Variants in THAP2 observed in about 807,000 individuals in gnomAD.
THAP2 encodes THAP domain containing 2, also known as THAP domain-containing protein 2.
A neutral mutation model predicts 18.8 loss-of-function variants in THAP2; 16 were observed. That is an observed-to-expected ratio of 0.85 (90% CI 0.58 to 1.29). The LOEUF is 1.29. Ranked by LOEUF, THAP2 falls within the 50% of genes most tolerant of loss-of-function variation. THAP2 has a pLI of 0.00. For missense variants in THAP2, 251 were observed against 265.3 expected (o/e 0.95, Z 0.38); for synonymous variants, 80 against 89.2 (o/e 0.90, Z 0.58).
Position 71,677,399 on chromosome 12 carries a change from C to T in THAP2, c.*291C>T, listed in dbSNP as rs1881538954. 1 of 200,824 alleles carries T rather than the reference C, an allele frequency of 5.0e-6. No individual in the cohort carries two copies. Among genetic ancestry groups the T allele is most frequent in the African/African-American group, 2.3e-5 (1 of 42,816 alleles). The allele number at this position is 200,824 out of a possible 1,614,324, so 12.4% of individuals were successfully genotyped here. A position where few individuals can be genotyped will look rare whatever the true frequency, so the allele number is the denominator to read the frequency against. On this transcript the variant is annotated 3_prime_UTR_variant, in exon 3 of 3. Coordinates refer to ENST00000308086, the MANE Select transcript of THAP2 (RefSeq NM_031435.4). ...TTTTAAACTACTGTTAAAAGAACAGCTTATGATAAGTAATATGTTTAACTT... is the reference window on the plus strand; with the variant it reads ...TTTTAAACTACTGTTAAAAGAACAGTTTATGATAAGTAATATGTTTAACTT...
chr12:71,676,584 C>CTTTTAAAAGTCAA, intron 2 of THAP2, 105 bp from the exon 3 acceptor site: 3 of 1,183,882 alleles, frequency 2.5e-6, no homozygotes, highest in African/African-American at 1.6e-5. Context: ...TTAAAATTGA[C>CTTTTAAAAGTCAA]TTTTAAAAGA....
chr12:71,664,557 G>A lies in THAP2; in HGVS notation c.48G>A (p.Lys16=), dbSNP rs35288257. The A allele has an allele frequency of 0.012, 18,910 of 1,614,166 alleles. 146 individuals are homozygous for A. Among genetic ancestry groups the A allele is most frequent in the Non-Finnish European group, 0.015 (17,420 of 1,180,016 alleles). Residue 16 remains lysine, a synonymous_variant, in exon 1 of 3, where the codon AAG becomes AAA. Coordinates refer to ENST00000308086, the MANE Select transcript of THAP2 (RefSeq NM_031435.4). The part of the protein sequence containing the change: ...AAAGCATTYN[K]HINISFHRFP... ...CGGGCTGTGCCACTACCTACAACAA[G>A]CACATTAACATCAGCTTCCACAGGT...
At chr12:71,675,312 CAGG>C (rs1437065429) in intron 2 of THAP2, among the ~76,000 whole-genome samples, 1 of 151,978 alleles carries the variant, frequency 6.6e-6, no homozygotes, top group Non-Finnish European at 1.5e-5. Flanking sequence ...AGAAAAGCTC[CAGG>C]AGGACAAGAA....
rs554242693 is a variant in THAP2, at chr12:71,676,911, C to G, written c.490C>G (p.Arg164Gly). The change falls in exon 3 of 3, where the codon CGA (arginine) becomes GGA (glycine). Residue 164 changes from arginine to glycine, a missense_variant. By Grantham distance (125) the Arg-to-Gly change is moderately radical. Transcript: ENST00000308086. ...TCLQKERRAT[R>G]RWIKATCLVK... ...CCTACAAAAGGAACGCAGAGCAACT[C>G]GAAGATGGATCAAAGCCACGTGTTT... is the stretch of plus-strand genomic sequence containing the variant. 4.3e-6 allele frequency: 7 copies of G among 1,613,528 alleles called. No homozygotes were observed. Among genetic ancestry groups the G allele is most frequent in the African/African-American group, 1.3e-5 (1 of 74,882 alleles).
intron 1 of THAP2, among the ~76,000 whole-genome samples, chr12:71,671,920 G>A (rs955941301): frequency 1.1e-4 from 17 of 152,106 alleles, no homozygotes; most frequent in African/African-American, 3.1e-4. Context: ...TACTGGCAGC[G>A]TACTTCCTAA....
In THAP2 at chr12:71,674,372, G is replaced by T. The variant is rs978435343; in HGVS notation, c.241G>T (p.Asp81Tyr). The T allele has an allele frequency of 1.6e-5, 26 of 1,609,658 alleles. No individual in the cohort carries two copies. Among genetic ancestry groups the T allele is most frequent in the South Asian group, 4.4e-5 (4 of 90,598 alleles). Residue 81 changes from aspartate (D) to tyrosine (Y), a missense_variant, in exon 2 of 3, where the codon GAT (aspartate) becomes TAT (tyrosine). Coordinates refer to ENST00000308086, the MANE Select transcript of THAP2 (RefSeq NM_031435.4). Reference sequence around the variant, plus strand: ...AATGGATGCTGTTCCAACCATTTTTGATTTTTGTACCCATATAAAGTCTAT... The same window carrying T: ...AATGGATGCTGTTCCAACCATTTTTTATTTTTGTACCCATATAAAGTCTAT... ...LKMDAVPTIF[D>Y]FCTHIKSMKL...
chr12:71,680,151 T>G lies in THAP2; in HGVS notation c.*3043T>G, dbSNP rs1308946086. The G allele has an allele frequency of 2.6e-5, 4 of 152,224 alleles. No homozygotes were observed. The highest frequency in any genetic ancestry group is 5.9e-5 in the Non-Finnish European group (4 of 68,022). The allele number at this position is 152,224 out of a possible 1,614,324, so 9.4% of individuals were successfully genotyped here. The stretch of plus-strand genomic sequence containing the variant: ...TGTGGTAGGTGGTATTATCTCTGAT[T>G]TACACATGAAGACATCCTTGTTAAT... On this transcript the variant is annotated 3_prime_UTR_variant, in exon 3 of 3. Coordinates refer to ENST00000308086, the MANE Select transcript of THAP2 (RefSeq NM_031435.4).
At position 71,680,066 on chromosome 12, in the gene THAP2, T is replaced by C. The variant is rs1463869419; in HGVS notation, c.*2958T>C. The C allele has an allele frequency of 6.6e-6, 1 of 152,218 alleles. No homozygotes were observed. The highest frequency in any genetic ancestry group is 1.5e-5 in the Non-Finnish European group (1 of 68,018). 9.4% of individuals were successfully genotyped at this position (152,218 alleles called of 1,614,324 possible). ...AACCTATTAACACAGATTTTTAAAA[T>C]AACTCAGAATCGTATAAAGCACTTT... On this transcript the variant is annotated 3_prime_UTR_variant, in exon 3 of 3. Transcript: ENST00000308086.
At position 71,679,082 on chromosome 12, in the gene THAP2, T is replaced by C. The variant is rs1283447916; in HGVS notation, c.*1974T>C. On this transcript the variant is annotated 3_prime_UTR_variant, in exon 3 of 3. Coordinates refer to ENST00000308086, the MANE Select transcript of THAP2 (RefSeq NM_031435.4). ...TCCAAGTATAACCACTGTCATGTGGTTCACCCTTCACCCCAGATACAAAAC... is the reference window on the plus strand; with the variant it reads ...TCCAAGTATAACCACTGTCATGTGGCTCACCCTTCACCCCAGATACAAAAC... 6.6e-6 allele frequency: 1 copy of C among 152,144 alleles called. No individual in the cohort carries two copies. Among genetic ancestry groups the C allele is most frequent in the Non-Finnish European group, 1.5e-5 (1 of 67,992 alleles). The allele number at this position is 152,144 out of a possible 1,614,324, so 9.4% of individuals were successfully genotyped here.
In THAP2 at chr12:71,680,039, CA is replaced by C. The variant is rs1469825021; in HGVS notation, c.*2934del. The C allele has an allele frequency of 6.6e-6, 1 of 152,144 alleles. No individual in the cohort carries two copies. Among genetic ancestry groups the C allele is most frequent in the African/African-American group, 2.4e-5 (1 of 41,434 alleles). 9.4% of individuals were successfully genotyped at this position (152,144 alleles called of 1,614,324 possible). ...AAATTTGATATTTTGTGTAAAATAA[CA>C]AACCTATTAACACAGATTTTTAAAA... On this transcript the variant is annotated 3_prime_UTR_variant, in exon 3 of 3. Transcript: ENST00000308086.
intron 1 of THAP2, chr12:71,665,061 A>G: frequency 1.5e-6 from 1 of 687,730 alleles, no homozygotes; most frequent in Non-Finnish European, 2.6e-6. Flanking sequence ...ATAGCCATGG[A>G]ATTAAGCGAT....
At position 71,664,412 on chromosome 12, in the gene THAP2, G is replaced by A. The variant is rs1881286033; in HGVS notation, c.-98G>A. Reference sequence around the variant, plus strand: ...CTCACGACTAAGCTCTCACGATTAAGGCACGCCTGCCTCGATTGTCCAGCC... The same window carrying A: ...CTCACGACTAAGCTCTCACGATTAAAGCACGCCTGCCTCGATTGTCCAGCC... On this transcript the variant is annotated 5_prime_UTR_variant, in exon 1 of 3. Transcript: ENST00000308086. 4 of 1,485,108 alleles carry A rather than the reference G, an allele frequency of 2.7e-6. No homozygotes were observed. The highest frequency in any genetic ancestry group is 1.7e-5 in the Admixed American group (1 of 59,636). 92.0% of individuals were successfully genotyped at this position (1,485,108 alleles called of 1,614,324 possible).
At chr12:71,671,510 A>AT (rs1881437521) in intron 1 of THAP2, among the ~76,000 whole-genome samples, 1 of 152,152 alleles carries the variant, frequency 6.6e-6, no homozygotes, top group African/African-American at 2.4e-5. Flanking sequence ...CTTTTTTGCC[A>AT]TATCAACAAT....
chr12:71,665,289 A>G (rs1205212531), intron 1 of THAP2: 1 of 248,188 alleles, frequency 4.0e-6, no homozygotes, highest in East Asian at 9.8e-5. Flanking sequence ...CGAAGAAAAG[A>G]CACATTAAAA....
intron 1 of THAP2, among the ~76,000 whole-genome samples, 199 bp from the exon 2 acceptor site, chr12:71,674,004 T>A (rs1454269224): frequency 1.3e-5 from 2 of 152,178 alleles, no homozygotes; most frequent in African/African-American, 4.8e-5. Flanking sequence ...ACGACTCAAG[T>A]CAGTTTTTGA....
At chr12:71,669,896 G>T (rs1221976193) in intron 1 of THAP2, among the ~76,000 whole-genome samples, 1 of 149,904 alleles carries the variant, frequency 6.7e-6, no homozygotes, top group Non-Finnish European at 1.5e-5. Flanking sequence ...GGCAGAGGTT[G>T]CAGTGAGCTG....
At chr12:71,670,606 A>G (rs1398431196) in intron 1 of THAP2, among the ~76,000 whole-genome samples, 2 of 152,174 alleles carry the variant, frequency 1.3e-5, no homozygotes, top group Admixed American at 1.3e-4. Flanking sequence ...TCTGTACAGT[A>G]TTCTTAGAAT....
intron 1 of THAP2, among the ~76,000 whole-genome samples, chr12:71,673,508 C>G (rs1231197720): frequency 1.3e-5 from 2 of 152,152 alleles, no homozygotes; most frequent in Non-Finnish European, 2.9e-5. Context: ...TGCTGCACTA[C>G]ATAATTAAAG....
At chr12:71,673,709 A>G (rs1409145675) in intron 1 of THAP2, among the ~76,000 whole-genome samples, 1 of 152,172 alleles carries the variant, frequency 6.6e-6, no homozygotes, top group Non-Finnish European at 1.5e-5. Context: ...ACTGGAAATT[A>G]AAATGGAAAA....
Sources: gnomAD v4.1 joint callset for allele counts (sites outside exome capture counted in the v4.1 genomes callset) on GRCh38, gnomAD v4.1.1 for gene constraint, MANE v1.5 for transcripts, NCBI Gene and HGNC (gene_info 2026-07-23, HGNC 2026-07-21) for gene names.